The following BATF3 variants were observed in gnomAD, a reference collection of about 807,000 sequenced individuals.
BATF3 encodes the protein basic leucine zipper ATF-like transcription factor 3.
A neutral mutation model predicts 16.1 loss-of-function variants in BATF3; 8 were observed. That is an observed-to-expected ratio of 0.50 (90% CI 0.29 to 0.90). BATF3 has a LOEUF of 0.90. Among genes scored for constraint, BATF3 ranks in the 40% least tolerant of loss-of-function variants. The probability of loss-of-function intolerance (pLI) is 0.08; values close to 1 mark genes in which losing one functional copy is unlikely to be tolerated. For missense variants in BATF3, 139 were observed against 167.0 expected (o/e 0.83, Z 0.92); for synonymous variants, 74 against 72.7 (o/e 1.02, Z -0.09).
chr1:212,699,783 G>GGCCCGCCCCGCCCCGCCCGCGCGCCCT lies in BATF3; in HGVS notation c.-48_-22dup, dbSNP rs1657230716. On this transcript the variant is annotated 5_prime_UTR_variant, in exon 1 of 3. Coordinates refer to ENST00000243440, the MANE Select transcript of BATF3 (RefSeq NM_018664.3). This position sits in a 1 kb window ranked among gnomAD's most constrained non-coding sequence, Gnocchi z 4.4. ...GACATGCCGGGCGCTCCTCTGGCCC[G>GGCCCGCCCCGCCCCGCCCGCGCGCCCT]GCCCGCCCCGCCCCGCCCGCGCGCC... 1.2e-5 allele frequency: 14 copies of GGCCCGCCCCGCCCCGCCCGCGCGCCCT among 1,190,604 alleles called. No homozygotes were observed. The highest frequency in any genetic ancestry group is 1.3e-5 in the Non-Finnish European group (13 of 963,102). 73.8% of individuals were successfully genotyped at this position (1,190,604 alleles called of 1,614,324 possible).
intron 2 of BATF3, among the ~76,000 whole-genome samples, chr1:212,693,800 G>A (rs1374321281): frequency 6.6e-6 from 1 of 152,116 alleles, no homozygotes; most frequent in Admixed American, 6.5e-5. Context: ...CTTCATACAG[G>A]TACTTTTTTG....
At position 212,699,797 on chromosome 1, in the gene BATF3, C is replaced by CGCCCGCGCGCCCT. The variant is rs1553247762; in HGVS notation, c.-48_-36dup. The CGCCCGCGCGCCCT allele has an allele frequency of 3.5e-6, 4 of 1,158,830 alleles. No individual in the cohort carries two copies. The highest frequency in any genetic ancestry group is 4.7e-5 in the Admixed American group (1 of 21,276). 71.8% of individuals were successfully genotyped at this position (1,158,830 alleles called of 1,614,324 possible). On this transcript the variant is annotated 5_prime_UTR_variant, in exon 1 of 3. Coordinates refer to ENST00000243440, the MANE Select transcript of BATF3 (RefSeq NM_018664.3). This position sits in a 1 kb window ranked among gnomAD's most constrained non-coding sequence, Gnocchi z 4.4. Reference sequence around the variant, plus strand: ...TCCTCTGGCCCGGCCCGCCCCGCCCCGCCCGCGCGCCCTGCCCGTGGGGCT... The same window carrying CGCCCGCGCGCCCT: ...TCCTCTGGCCCGGCCCGCCCCGCCCCGCCCGCGCGCCCTGCCCGCGCGCCCTGCCCGTGGGGCT...
At position 212,699,372 on chromosome 1, in the gene BATF3, G is replaced by A. The variant is rs1657209786; in HGVS notation, c.90+301C>T. Among the ~76,000 whole-genome samples, 1 of 152,146 alleles carries A rather than the reference G, an allele frequency of 6.6e-6. No individual in the cohort carries two copies. Among genetic ancestry groups the A allele is most frequent in the African/African-American group, 2.4e-5 (1 of 41,426 alleles). The stretch of plus-strand genomic sequence containing the variant: ...GGCAGTGCGGAGCCCACGTGCCGGG[G>A]AGCACCGGCCATGCCCGGCCCAGCC... On this transcript the variant is annotated intron_variant, in intron 1 of 2. Coordinates refer to ENST00000243440, the MANE Select transcript of BATF3 (RefSeq NM_018664.3). The surrounding 1 kb of genome is among the most constrained non-coding windows in gnomAD (Gnocchi z 4.4).
intron 2 of BATF3, among the ~76,000 whole-genome samples, chr1:212,688,832 T>C (rs1270408560): frequency 6.6e-6 from 1 of 152,232 alleles, no homozygotes; most frequent in Non-Finnish European, 1.5e-5. Context: ...ATGCACACCA[T>C]GCATTTCCCA....
At chr1:212,688,052 GAA>G (rs1432569799) in intron 2 of BATF3, among the ~76,000 whole-genome samples, 6 of 141,798 alleles carry the variant, frequency 4.2e-5, no homozygotes, top group Non-Finnish European at 7.7e-5. Flanking sequence ...GAGAGAAAGA[GAA>G]AGAGAGAAAA....
Sources: gnomAD v4.1 joint callset for allele counts (sites outside exome capture counted in the v4.1 genomes callset) on GRCh38, gnomAD v4.1.1 for gene constraint, Gnocchi (gnomAD v3.1) non-coding constraint, MANE v1.5 for transcripts, NCBI Gene and HGNC (gene_info 2026-07-23, HGNC 2026-07-21) for gene names.